SRBD1: variants seen among roughly 807,000 people sequenced by gnomAD.
The protein encoded by SRBD1 is S1 RNA binding domain 1, also known as S1 RNA-binding domain-containing protein 1.
In SRBD1, 88 loss-of-function variants were observed where a neutral mutation model predicts 115.3. That is an observed-to-expected ratio of 0.76 (90% CI 0.64 to 0.91). The LOEUF is 0.91. Ranked by LOEUF, SRBD1 falls within the 40% of genes least tolerant of loss-of-function variation. SRBD1 has a pLI of 0.00. For synonymous variants in SRBD1, 509 were observed against 407.7 expected (o/e 1.25, Z -2.99); for missense variants, 1,385 against 1,177.4 (o/e 1.18, Z -2.58).
At chr2:45,588,280 C>T (rs1673608344) in intron 4 of SRBD1, among the ~76,000 whole-genome samples, 1 of 152,208 alleles carries the variant, frequency 6.6e-6, no homozygotes. Flanking sequence ...TCTCCAACCT[C>T]ATCTTATCCA....
intron 14 of SRBD1, among the ~76,000 whole-genome samples, chr2:45,506,076 T>TC (rs1572712650): frequency 6.6e-6 from 1 of 152,176 alleles, no homozygotes; most frequent in East Asian, 1.9e-4. Flanking sequence ...GTTTAAGGAA[T>TC]ATTCAAAGCA....
At chr2:45,580,658 C>A (rs1269734207) in intron 6 of SRBD1, among the ~76,000 whole-genome samples, 1 of 142,954 alleles carries the variant, frequency 7.0e-6, no homozygotes, top group Non-Finnish European at 1.5e-5. Context: ...CGCACCTGGC[C>A]GGTCAATTCT....
rs551270497 is a variant in SRBD1 at position 45,519,090 on chromosome 2, G to A, written c.1874+27642C>T. On this transcript the variant is annotated intron_variant, in intron 14 of 20. Coordinates refer to ENST00000263736, the MANE Select transcript of SRBD1 (RefSeq NM_018079.5). ...AACAAAACTTAAAGCTATTCTAGGA[G>A]TGACTATAAGCTATAATTTTTTAAT... 4.6e-5 allele frequency among the ~76,000 whole-genome samples: 7 copies of A among 151,484 alleles called. No individual in the cohort carries two copies. In the East Asian group the frequency reaches 1.4e-3, roughly 29 times the overall value.
intron 20 of SRBD1, among the ~76,000 whole-genome samples, chr2:45,391,749 T>C (rs1452000711): frequency 6.6e-6 from 1 of 152,158 alleles, no homozygotes; most frequent in Non-Finnish European, 1.5e-5. Context: ...ACCATATAAT[T>C]TGAGTGTTGA....
At chr2:45,441,398 G>A (rs560816089) in intron 16 of SRBD1, among the ~76,000 whole-genome samples, 1 of 152,286 alleles carries the variant, frequency 6.6e-6, no homozygotes, top group East Asian at 1.9e-4. Flanking sequence ...ATCACCTGAT[G>A]CACACAGGTG....
intron 14 of SRBD1, among the ~76,000 whole-genome samples, chr2:45,525,247 A>G (rs1487311439): frequency 6.6e-6 from 1 of 152,054 alleles, no homozygotes; most frequent in Non-Finnish European, 1.5e-5. Context: ...GTGTTCTTAC[A>G]TATGGCACCA....
chr2:45,451,717 GTCTTT>G (rs1308724395), intron 16 of SRBD1, among the ~76,000 whole-genome samples: 9 of 150,050 alleles, frequency 6.0e-5, no homozygotes, highest in Admixed American at 2.0e-4. Flanking sequence ...ACTTCAACAA[GTCTTT>G]TCTTTTTTTT....
chr2:45,510,177 T>A (rs761744866), intron 14 of SRBD1, among the ~76,000 whole-genome samples: 3 of 152,220 alleles, frequency 2.0e-5, no homozygotes, highest in Non-Finnish European at 4.4e-5. Context: ...CTCTACTTGT[T>A]TAAAGCTTTA....
At chr2:45,599,860 T>C (rs755104331) in intron 3 of SRBD1, 25 bp from the exon 4 acceptor site, 4 of 1,579,854 alleles carry the variant, frequency 2.5e-6, no homozygotes, top group East Asian at 4.5e-5. Context: ...AGAGAACATA[T>C]GAGAATTAGA....
intron 19 of SRBD1, among the ~76,000 whole-genome samples, chr2:45,397,333 C>G (rs1667174934): frequency 1.3e-5 from 2 of 152,110 alleles, no homozygotes; most frequent in African/African-American, 4.8e-5. Flanking sequence ...ATATGTTACT[C>G]TATGTATACA....
chr2:45,582,880 A>G (rs778857345), intron 5 of SRBD1, among the ~76,000 whole-genome samples: 1 of 152,148 alleles, frequency 6.6e-6, no homozygotes, highest in African/African-American at 2.4e-5. Context: ...CACACCTAGC[A>G]CCCATAATTG....
At position 45,566,692 on chromosome 2, in the gene SRBD1, G is replaced by A. The variant is rs1256359261; in HGVS notation, c.1306-3936C>T. 4.6e-5 allele frequency among the ~76,000 whole-genome samples: 7 copies of A among 152,130 alleles called. 1 individual carries two copies. In the South Asian group the frequency reaches 1.0e-3, roughly 22 times the overall value. On this transcript the variant is annotated intron_variant, in intron 9 of 20. Transcript: ENST00000263736. ...GAATTTTACTTCAATAAACCTATTAGAAAATTAAAACACTCTTTTCTTAAA... is the reference window on the plus strand; with the variant it reads ...GAATTTTACTTCAATAAACCTATTAAAAAATTAAAACACTCTTTTCTTAAA...
chr2:45,569,729 A>G (rs756672950), intron 9 of SRBD1, among the ~76,000 whole-genome samples: 2 of 152,214 alleles, frequency 1.3e-5, no homozygotes, highest in Non-Finnish European at 2.9e-5. Context: ...AAAACACAAC[A>G]TAGGACCCAC....
At chr2:45,484,853 T>C (rs1036183480) in intron 15 of SRBD1, among the ~76,000 whole-genome samples, 1 of 152,216 alleles carries the variant, frequency 6.6e-6, no homozygotes, top group African/African-American at 2.4e-5. Flanking sequence ...TCTTTTGGGA[T>C]TGGCTTCTTT....
At chr2:45,421,283 G>A (rs1321761553) in intron 16 of SRBD1, among the ~76,000 whole-genome samples, 3 of 151,938 alleles carry the variant, frequency 2.0e-5, no homozygotes, top group South Asian at 2.1e-4. Flanking sequence ...CGAGGTGGGC[G>A]GATCACGAGC....
At chr2:45,458,226 G>C (rs1669210716) in intron 16 of SRBD1, among the ~76,000 whole-genome samples, 1 of 152,080 alleles carries the variant, frequency 6.6e-6, no homozygotes, top group African/African-American at 2.4e-5. Flanking sequence ...TAATTGAAGA[G>C]AGAAACTTTT....
intron 14 of SRBD1, among the ~76,000 whole-genome samples, chr2:45,490,512 G>A (rs1244719599): frequency 2.0e-5 from 3 of 152,108 alleles, no homozygotes; most frequent in Non-Finnish European, 2.9e-5. Flanking sequence ...AAAAGACAGA[G>A]TATCCATGAA....
intron 4 of SRBD1, among the ~76,000 whole-genome samples, chr2:45,589,484 C>A (rs893112841): frequency 6.6e-6 from 1 of 152,138 alleles, no homozygotes; most frequent in Non-Finnish European, 1.5e-5. Flanking sequence ...CAGGTGGAAA[C>A]GACAGGAATG....
rs1667664068 is a variant in SRBD1 at position 45,413,375 on chromosome 2, C to T, written c.2334-82G>A. On this transcript the variant is annotated intron_variant, in intron 18 of 20. Transcript: ENST00000263736. Reference sequence around the variant, plus strand: ...TCTTCAAATTAAAATGTGCTTACTTCTCTGTCATACAAATATGCGAAAACA... The same window carrying T: ...TCTTCAAATTAAAATGTGCTTACTTTTCTGTCATACAAATATGCGAAAACA... 4 of 1,469,874 alleles carry T rather than the reference C, an allele frequency of 2.7e-6. No homozygotes were observed. In the East Asian group the frequency reaches 6.9e-5, roughly 25 times the overall value. The allele number at this position is 1,469,874 out of a possible 1,614,324, so 91.1% of individuals were successfully genotyped here.
Sources: allele counts gnomAD v4.1 joint callset (sites outside exome capture counted in the v4.1 genomes callset), GRCh38; gene constraint gnomAD v4.1.1; transcripts MANE v1.5; gene names NCBI Gene and HGNC (gene_info 2026-07-23, HGNC 2026-07-21).